Variants in SLC2A6 observed in about 807,000 individuals in gnomAD.
The protein encoded by SLC2A6 is solute carrier family 2, facilitated glucose transporter member 6.
In SLC2A6, 39 loss-of-function variants were observed where a neutral mutation model predicts 47.8. The observed-to-expected ratio is 0.82, with a 90% CI of 0.63 to 1.07. The LOEUF is 1.07. Ranked by LOEUF, SLC2A6 falls within the 50% of genes least tolerant of loss-of-function variation. The probability of loss-of-function intolerance (pLI) is 0.00; values close to 1 mark genes in which losing one functional copy is unlikely to be tolerated. For synonymous variants in SLC2A6, 346 were observed against 324.1 expected, an observed-to-expected ratio of 1.07 and a Z score of -0.73; for missense variants, 650 against 707.6, an observed-to-expected ratio of 0.92 and a Z score of 0.92.
rs1421598442 is a variant in SLC2A6 at position 133,476,082 on chromosome 9, C to T, written c.562+155G>A. ...GCAGGCCCTGCCTGGAGGTGCCCAG[C>T]AAGGTGCTGACTGAGTGGGGCCGGG... On this transcript the variant is annotated intron_variant, in intron 4 of 9. Coordinates refer to ENST00000371899, the MANE Select transcript of SLC2A6 (RefSeq NM_017585.4). 5 of 620,722 alleles carry T rather than the reference C, an allele frequency of 8.1e-6. No homozygotes were observed. The African/African-American group carries it at 9.2e-5, about 11-fold the overall frequency. The allele number at this position is 620,722 out of a possible 1,614,324, so 38.5% of individuals were successfully genotyped here. A position where few individuals can be genotyped will look rare whatever the true frequency, so the allele number is the denominator to read the frequency against.
At chr9:133,476,990 AATACAGAGGC>A in intron 3 of SLC2A6, 35 bp downstream of exon 3, 1 of 1,533,894 alleles carries the variant, frequency 6.5e-7, no homozygotes, top group Non-Finnish European at 8.8e-7. Flanking sequence ...GCTCAGCACC[AATACAGAGGC>A]ATTGGGGCGC....
At chr9:133,473,720 A>AC in intron 7 of SLC2A6, 120 bp from the exon 8 acceptor site, 2 of 1,074,356 alleles carry the variant, frequency 1.9e-6, no homozygotes, top group East Asian at 2.8e-5. Flanking sequence ...GGGACTAGAG[A>AC]CCCCCAGCAG....
At chr9:133,473,937 A>C (rs1843837153) in intron 7 of SLC2A6, 43 bp downstream of exon 7, 2 of 1,479,324 alleles carry the variant, frequency 1.4e-6, no homozygotes, top group South Asian at 2.5e-5. Context: ...GCCCTGACCC[A>C]TGCGGAGGAG....
intron 2 of SLC2A6, 53 bp downstream of exon 2, chr9:133,478,201 C>A: frequency 6.3e-7 from 1 of 1,595,658 alleles, no homozygotes. Context: ...GGAGATAAGG[C>A]TCAGCAGGTC....
At chr9:133,477,599 C>T (rs1298740721) in intron 2 of SLC2A6, among the ~76,000 whole-genome samples, 2 of 152,152 alleles carry the variant, frequency 1.3e-5, no homozygotes, top group African/African-American at 4.8e-5. Flanking sequence ...ACTGGGACCC[C>T]CTCTGGACTC....
intron 4 of SLC2A6, 82 bp downstream of exon 4, chr9:133,476,155 C>G: frequency 9.1e-7 from 1 of 1,101,718 alleles, no homozygotes. Flanking sequence ...TGGGACAAAT[C>G]ATTCCCTTTC....
chr9:133,473,348 C>T (rs1261753711), intron 8 of SLC2A6, 67 bp downstream of exon 8: 129 of 1,541,580 alleles, frequency 8.4e-5, no homozygotes, highest in Non-Finnish European at 1.1e-4. Flanking sequence ...CTCCAGCCAC[C>T]CCAGACACAT....
At position 133,471,756 on chromosome 9, in the gene SLC2A6, C is replaced by T; in HGVS notation, c.*265G>A. The T allele has an allele frequency of 2.4e-6, 1 of 421,444 alleles. No homozygotes were observed. The highest frequency in any genetic ancestry group is 4.3e-6 in the Non-Finnish European group (1 of 233,932). 26.1% of individuals were successfully genotyped at this position (421,444 alleles called of 1,614,324 possible). A position where few individuals can be genotyped will look rare whatever the true frequency, so the allele number is the denominator to read the frequency against. Reference sequence around the variant, plus strand: ...CTGAGGTCACCCAGCAGGGCCGTGTCCCTGGATGCAGGGTTGTATGCACTC... The same window carrying T: ...CTGAGGTCACCCAGCAGGGCCGTGTTCCTGGATGCAGGGTTGTATGCACTC... On this transcript the variant is annotated 3_prime_UTR_variant, in exon 10 of 10. Coordinates refer to ENST00000371899, the MANE Select transcript of SLC2A6 (RefSeq NM_017585.4).
In SLC2A6 at chr9:133,473,246, G is replaced by A. The variant is rs782006796; in HGVS notation, c.1227C>T (p.Tyr409=). 14 of 1,575,304 alleles carry A rather than the reference G, an allele frequency of 8.9e-6. No individual in the cohort carries two copies. The highest frequency in any genetic ancestry group is 4.0e-5 in the African/African-American group (3 of 74,238). ...LLATMLFIMG[Y]AVGWGPITWL... ...AGGTGATGGGACCCCAGCCCACGGC[G>A]TAGCCTGCTCGGAGGAGGAGGCAGG... Residue 409 remains tyrosine, a synonymous_variant, in exon 9 of 10, where the codon TAC becomes TAT. Transcript: ENST00000371899.
At chr9:133,475,361 A>C in intron 5 of SLC2A6, 39 bp downstream of exon 5, 4 of 1,540,970 alleles carry the variant, frequency 2.6e-6, no homozygotes, top group Non-Finnish European at 3.5e-6. Context: ...GAAGTGCTGG[A>C]GGTGGGCCTG....
chr9:133,473,101 T>A lies in SLC2A6; in HGVS notation c.1368+4A>T, dbSNP rs1554802091. ...GGGCCTGGGGCCTGGGGCTGAACAC[T>A]CACCACCACTGGCAGGAAGGACTTG... On this transcript the variant is annotated splice_donor_region_variant and intron_variant, in intron 9 of 9. Coordinates refer to ENST00000371899, the MANE Select transcript of SLC2A6 (RefSeq NM_017585.4). 6.2e-7 allele frequency: 1 copy of A among 1,604,226 alleles called. No individual in the cohort carries two copies. The highest frequency in any genetic ancestry group is 1.1e-5 in the South Asian group (1 of 90,166).
Position 133,474,033 on chromosome 9 carries a change from ATCAGC to A in SLC2A6, c.978_982del (p.Leu327ArgfsTer95). ...TGCGAGGTCCATGGTGAGGGCGGCG[ATCAGC>A]ACGGACAGGAGCCGCACGGCCCCAA... is the stretch of plus-strand genomic sequence containing the variant. On this transcript the variant is annotated frameshift_variant, in exon 7 of 10. Transcript: ENST00000371899. LOFTEE classifies it high-confidence loss of function. 6.2e-7 allele frequency: 1 copy of A among 1,611,054 alleles called. No homozygotes were observed. Among genetic ancestry groups the A allele is most frequent in the Non-Finnish European group, 8.5e-7 (1 of 1,179,182 alleles).
chr9:133,474,939 C>A (rs1843882371), intron 6 of SLC2A6, 22 bp downstream of exon 6: 2 of 1,492,558 alleles, frequency 1.3e-6, no homozygotes, highest in Non-Finnish European at 1.8e-6. Context: ...TGGGTGGGCG[C>A]CGGCCGGGGC....
At chr9:133,474,853 TG>T in intron 6 of SLC2A6, 107 bp downstream of exon 6, 2 of 1,173,386 alleles carry the variant, frequency 1.7e-6, no homozygotes, top group Non-Finnish European at 2.3e-6. Flanking sequence ...AGAGCAGGTG[TG>T]GGTAAGACCA....
chr9:133,478,229 C>T lies in SLC2A6; in HGVS notation c.255+25G>A, dbSNP rs587707956. The T allele has an allele frequency of 1.3e-5, 21 of 1,612,694 alleles. No homozygotes were observed. In the Middle Eastern group the frequency reaches 5.0e-4, roughly 38 times the overall value. On this transcript the variant is annotated intron_variant, in intron 2 of 9. Coordinates refer to ENST00000371899, the MANE Select transcript of SLC2A6 (RefSeq NM_017585.4). ...AGCAGGTCCCTCCTTCCTGCACCCA[C>T]CCTCCTCCAGAGGATGGTCCTTACC...
chr9:133,474,639 G>T (rs1554802795), intron 6 of SLC2A6, among the ~76,000 whole-genome samples: 1 of 152,192 alleles, frequency 6.6e-6, no homozygotes, highest in Non-Finnish European at 1.5e-5. Flanking sequence ...GGAGTGCAGT[G>T]GTGAGATCGT....
Position 133,474,941 on chromosome 9 carries a change from G to T in SLC2A6, c.927+20C>A. 1.3e-6 allele frequency: 2 copies of T among 1,497,456 alleles called. No homozygotes were observed. The highest frequency in any genetic ancestry group is 8.9e-7 in the Non-Finnish European group (1 of 1,121,464). 92.8% of individuals were successfully genotyped at this position (1,497,456 alleles called of 1,614,324 possible). A position where few individuals can be genotyped will look rare whatever the true frequency, so the allele number is the denominator to read the frequency against. Reference sequence around the variant, plus strand: ...CCAGGGGACCCCGTGGGTGGGCGCCGGCCGGGGCTGGGCTCTCACCAGCAG... The same window carrying T: ...CCAGGGGACCCCGTGGGTGGGCGCCTGCCGGGGCTGGGCTCTCACCAGCAG... On this transcript the variant is annotated intron_variant, in intron 6 of 9. Coordinates refer to ENST00000371899, the MANE Select transcript of SLC2A6 (RefSeq NM_017585.4).
intron 7 of SLC2A6, 139 bp from the exon 8 acceptor site, chr9:133,473,739 G>A (rs1269186803): frequency 2.1e-6 from 2 of 931,028 alleles, no homozygotes; most frequent in East Asian, 2.8e-5. Context: ...AGGGCAGCAA[G>A]CTCTGTCTCC....
intron 3 of SLC2A6, among the ~76,000 whole-genome samples, chr9:133,476,831 G>C (rs181717621): frequency 5.1e-4 from 77 of 152,390 alleles, no homozygotes; most frequent in Middle Eastern, 6.8e-3. Flanking sequence ...AAAGTCCAGA[G>C]TGGGGGCAGC....
Sources: gnomAD v4.1 joint callset for allele counts (sites outside exome capture counted in the v4.1 genomes callset) on GRCh38, gnomAD v4.1.1 for gene constraint, MANE v1.5 for transcripts, NCBI Gene and HGNC (gene_info 2026-07-23, HGNC 2026-07-21) for gene names.